LRRIQ3: variants seen among roughly 807,000 people sequenced by gnomAD.
The protein encoded by LRRIQ3 is leucine-rich repeat and IQ domain-containing protein 3.
Under a neutral mutation model 59.3 loss-of-function variants are expected in LRRIQ3, and 75 were observed. That is an observed-to-expected ratio of 1.26 (90% CI 1.05 to 1.53). The LOEUF (loss-of-function observed/expected upper bound fraction) is 1.53. LRRIQ3 is among the 40% of genes most tolerant of loss of function. The pLI, the probability that LRRIQ3 is intolerant of heterozygous loss-of-function variation, is 0.00. For synonymous variants in LRRIQ3, 250 were observed against 231.3 expected, an observed-to-expected ratio of 1.08 and a Z score of -0.73; for missense variants, 831 against 710.0, an observed-to-expected ratio of 1.17 and a Z score of -1.94.
At chr1:74,134,505 A>G (rs1485038675) in intron 4 of LRRIQ3, among the ~76,000 whole-genome samples, 1 of 151,996 alleles carries the variant, frequency 6.6e-6, no homozygotes, top group African/African-American at 2.4e-5. Flanking sequence ...CAAAGAGTCT[A>G]TAAGTATATA....
chr1:74,174,546 C>T lies in LRRIQ3; in HGVS notation c.573+7992G>A, dbSNP rs1259665618. On this transcript the variant is annotated intron_variant, in intron 3 of 7. Coordinates refer to ENST00000354431, the MANE Select transcript of LRRIQ3 (RefSeq NM_001105659.2). ...TACAGGCACCTGCCATCATGCCTGG[C>T]TATTTTTTTTTTTTTTTTTGTATTT... Among the ~76,000 whole-genome samples, 6 of 65,050 alleles carry T rather than the reference C, an allele frequency of 9.2e-5. No homozygotes were observed. In the East Asian group the frequency reaches 2.0e-3, roughly 22 times the overall value. 42.7% of individuals were successfully genotyped at this position (65,050 alleles called of 152,430 possible).
chr1:74,155,638 T>C (rs1465991703), intron 4 of LRRIQ3, 95 bp downstream of exon 4: 1 of 1,173,826 alleles, frequency 8.5e-7, no homozygotes, highest in East Asian at 2.7e-5. Context: ...TGATAGAGAA[T>C]ACAAAAATGC....
intron 7 of LRRIQ3, among the ~76,000 whole-genome samples, chr1:74,040,927 C>T (rs1239397202): frequency 6.6e-6 from 1 of 152,134 alleles, no homozygotes; most frequent in East Asian, 1.9e-4. Flanking sequence ...GTTGATAGCA[C>T]TGGTCAAGAG....
At chr1:74,195,043 A>C in intron 1 of LRRIQ3, among the ~76,000 whole-genome samples, 1 of 152,114 alleles carries the variant, frequency 6.6e-6, no homozygotes, top group African/African-American at 2.4e-5. Flanking sequence ...AAGTATAATA[A>C]AAGTTCAGGG....
intron 4 of LRRIQ3, among the ~76,000 whole-genome samples, chr1:74,123,668 T>C (rs766955950): frequency 1.2e-4 from 19 of 152,122 alleles, no homozygotes; most frequent in African/African-American, 1.7e-4. Context: ...TATTTCATTG[T>C]GTATATGTAC....
Position 74,041,920 on chromosome 1 carries a change from T to A in LRRIQ3, c.1011A>T (p.Glu337Asp). The A allele has an allele frequency of 6.2e-7, 1 of 1,602,740 alleles. No homozygotes were observed. The highest frequency in any genetic ancestry group is 8.5e-7 in the Non-Finnish European group (1 of 1,174,610). The change falls in exon 7 of 8, where the codon GAA (glutamate) becomes GAT (aspartate). Residue 337 changes from glutamate (E) to aspartate (D), a missense_variant. Physicochemically the swap from Glu to Asp is conservative, Grantham distance 45 (BLOSUM62 2). Transcript: ENST00000354431. Reference protein sequence around the residue: ...RHLIQKGQESEDEIVDEKLDT... With the variant: ...RHLIQKGQESDDEIVDEKLDT... ...CCAATTTTTCATCCACAATTTCATC[T>A]TCAGACTCCTGACCTACATCAAACA...
At chr1:74,166,496 C>T (rs563374622) in intron 3 of LRRIQ3, among the ~76,000 whole-genome samples, 1 of 151,814 alleles carries the variant, frequency 6.6e-6, no homozygotes, top group Non-Finnish European at 1.5e-5. Flanking sequence ...GAACCAGATG[C>T]TTGTTTTCCT....
chr1:74,072,821 C>A (rs1370200411), intron 6 of LRRIQ3, among the ~76,000 whole-genome samples: 3 of 151,952 alleles, frequency 2.0e-5, no homozygotes, highest in Non-Finnish European at 2.9e-5. Context: ...TTATTATATC[C>A]AAAATTAACT....
In LRRIQ3 at chr1:74,074,656, C is replaced by T; in HGVS notation, c.997+5G>A. On this transcript the variant is annotated splice_donor_5th_base_variant and intron_variant, in intron 6 of 7. Coordinates refer to ENST00000354431, the MANE Select transcript of LRRIQ3 (RefSeq NM_001105659.2). ...TAAATATAATTAAAAATTCATATAA[C>T]TAACCTTTTTGAATGAGATGTCTTG... The T allele has an allele frequency of 7.7e-7, 1 of 1,296,360 alleles. No homozygotes were observed. Among genetic ancestry groups the T allele is most frequent in the Non-Finnish European group, 1.0e-6 (1 of 987,168 alleles). The allele number at this position is 1,296,360 out of a possible 1,614,324, so 80.3% of individuals were successfully genotyped here. A position where few individuals can be genotyped will look rare whatever the true frequency, so the allele number is the denominator to read the frequency against.
chr1:74,186,745 T>C (rs1424758434), intron 1 of LRRIQ3, among the ~76,000 whole-genome samples: 1 of 152,138 alleles, frequency 6.6e-6, no homozygotes, highest in Non-Finnish European at 1.5e-5. Context: ...TGCCTTTTTT[T>C]TCCATTTTGT....
At chr1:74,095,154 G>C (rs966737778) in intron 5 of LRRIQ3, 2 of 152,074 alleles carry the variant, frequency 1.3e-5, no homozygotes, top group Non-Finnish European at 2.9e-5. Flanking sequence ...CATAATGACT[G>C]GATCTGGTGA....
intron 3 of LRRIQ3, among the ~76,000 whole-genome samples, chr1:74,168,384 A>C (rs1649122952): frequency 6.6e-6 from 1 of 152,104 alleles, no homozygotes; most frequent in Non-Finnish European, 1.5e-5. Flanking sequence ...CCTTTATCAG[A>C]TATTCATACA....
intron 4 of LRRIQ3, among the ~76,000 whole-genome samples, chr1:74,143,870 CA>C (rs1557637870): frequency 6.6e-6 from 1 of 151,286 alleles, no homozygotes; most frequent in African/African-American, 2.4e-5. Context: ...ATATTAAGTA[CA>C]TTATAAATGT....
At chr1:74,048,505 G>A (rs564673079) in intron 6 of LRRIQ3, among the ~76,000 whole-genome samples, 47 of 152,144 alleles carry the variant, frequency 3.1e-4, no homozygotes, top group Middle Eastern at 3.4e-3. Flanking sequence ...CTCAGTGAAC[G>A]ATTAAGTAGC....
At chr1:74,078,684 T>A (rs1429564359) in intron 5 of LRRIQ3, 1 of 151,814 alleles carries the variant, frequency 6.6e-6, no homozygotes, top group African/African-American at 2.4e-5. Context: ...CTATGTCAGA[T>A]CAGGAAAACA....
chr1:74,047,054 G>C (rs1347867677), intron 6 of LRRIQ3, among the ~76,000 whole-genome samples: 1 of 152,020 alleles, frequency 6.6e-6, no homozygotes, highest in Non-Finnish European at 1.5e-5. Context: ...ATTCCTCCAG[G>C]ATATAGAACC....
At chr1:74,158,426 T>C (rs1022166951) in intron 3 of LRRIQ3, among the ~76,000 whole-genome samples, 2 of 152,178 alleles carry the variant, frequency 1.3e-5, no homozygotes, top group Non-Finnish European at 2.9e-5. Flanking sequence ...TTATCCTACA[T>C]AGAATTACCT....
At position 74,113,773 on chromosome 1, in the gene LRRIQ3, G is replaced by A. The variant is rs1462141212; in HGVS notation, c.708-4220C>T. The stretch of plus-strand genomic sequence containing the variant: ...ACTTCTAGCAGCATGCTTTTTACGA[G>A]CTAATAAAGGAAGTTCTCTTTAGGC... On this transcript the variant is annotated intron_variant, in intron 4 of 7. Transcript: ENST00000354431. Among the ~76,000 whole-genome samples the A allele has an allele frequency of 2.6e-5, 4 of 152,030 alleles. No homozygotes were observed. The East Asian group carries it at 7.7e-4, about 29-fold the overall frequency.
intron 6 of LRRIQ3, among the ~76,000 whole-genome samples, chr1:74,057,483 A>G (rs1458790561): frequency 1.3e-5 from 2 of 152,138 alleles, no homozygotes; most frequent in Non-Finnish European, 2.9e-5. Context: ...GGTGGCAAGA[A>G]TACTCATTCA....
Sources: gnomAD v4.1 joint callset for allele counts (sites outside exome capture counted in the v4.1 genomes callset) on GRCh38, gnomAD v4.1.1 for gene constraint, MANE v1.5 for transcripts, NCBI Gene and HGNC (gene_info 2026-07-23, HGNC 2026-07-21) for gene names.